TDRD3: variants seen among roughly 807,000 people sequenced by gnomAD.
The protein encoded by TDRD3 is tudor domain containing 3.
In TDRD3, 45 loss-of-function variants were observed where a neutral mutation model predicts 86.7. The observed-to-expected ratio is 0.52, with a 90% CI of 0.41 to 0.67. The LOEUF (loss-of-function observed/expected upper bound fraction) is 0.67, where lower values mean the gene tolerates loss of function less well. Among genes scored for constraint, TDRD3 ranks in the 30% least tolerant of loss-of-function variants. TDRD3 has a pLI of 0.00. For synonymous variants in TDRD3, 298 were observed against 301.7 expected (o/e 0.99, Z 0.13); for missense variants, 814 against 889.0 (o/e 0.92, Z 1.07).
rs1957522809 is a variant in TDRD3, at chr13:60,529,056, G to A, written c.1831G>A (p.Ala611Thr). The A allele has an allele frequency of 2.5e-6, 4 of 1,614,040 alleles. No individual in the cohort carries two copies. Among genetic ancestry groups the A allele is most frequent in the East Asian group, 4.5e-5 (2 of 44,856 alleles). ...TATTAAGCCAGCAGGACCTGTCACAGCTGTACCCTGTGATGATAAAATATT... is the reference window on the plus strand; with the variant it reads ...TATTAAGCCAGCAGGACCTGTCACAACTGTACCCTGTGATGATAAAATATT... The part of the protein sequence containing the change: ...GPIKPAGPVT[A>T]VPCDDKIFYN... The change falls in exon 11 of 14, where the codon GCT becomes ACT. Residue 611 changes from alanine (A) to threonine (T), a missense_variant. Coordinates refer to ENST00000377881, the MANE Select transcript of TDRD3 (RefSeq NM_001146070.2).
chr13:60,483,356 C>T (rs1330338222), intron 5 of TDRD3, among the ~76,000 whole-genome samples: 1 of 151,802 alleles, frequency 6.6e-6, no homozygotes, highest in African/African-American at 2.4e-5. Flanking sequence ...TAGAAATCAC[C>T]CTTATGTTAA....
intron 1 of TDRD3, among the ~76,000 whole-genome samples, chr13:60,424,719 G>T (rs1383190305): frequency 6.6e-6 from 1 of 152,042 alleles, no homozygotes; most frequent in Non-Finnish European, 1.5e-5. Flanking sequence ...GTAGCTTTTC[G>T]TATATTCACA....
intron 11 of TDRD3, among the ~76,000 whole-genome samples, chr13:60,530,607 ATTTTTTGTAT>A (rs1307834956): frequency 2.0e-5 from 3 of 149,232 alleles, no homozygotes; most frequent in African/African-American, 7.5e-5. Context: ...TGCCCAGCTA[ATTTTTTGTAT>A]TTTTTTTTTT....
chr13:60,553,622 A>C (rs1368066347), intron 12 of TDRD3, among the ~76,000 whole-genome samples: 1 of 152,124 alleles, frequency 6.6e-6, no homozygotes, highest in Non-Finnish European at 1.5e-5. Flanking sequence ...GGAAACTTAA[A>C]ATCATGGCAG....
At chr13:60,541,686 A>G (rs1316973806) in intron 12 of TDRD3, among the ~76,000 whole-genome samples, 2 of 133,254 alleles carry the variant, frequency 1.5e-5, no homozygotes, top group Non-Finnish European at 3.2e-5. Context: ...CCAATATTAT[A>G]TAATAGATGG....
chr13:60,517,904 A>G (rs1443038741), intron 10 of TDRD3, among the ~76,000 whole-genome samples: 1 of 152,204 alleles, frequency 6.6e-6, no homozygotes, highest in African/African-American at 2.4e-5. Context: ...TTGTTACTGC[A>G]TTTTACAAAA....
At chr13:60,549,722 T>C (rs1351008773) in intron 12 of TDRD3, among the ~76,000 whole-genome samples, 1 of 152,144 alleles carries the variant, frequency 6.6e-6, no homozygotes, top group Non-Finnish European at 1.5e-5. Flanking sequence ...GTTTAAACTT[T>C]TGTTTAATCT....
chr13:60,567,169 A>G (rs1448392127), intron 12 of TDRD3, among the ~76,000 whole-genome samples: 4 of 152,312 alleles, frequency 2.6e-5, no homozygotes, highest in East Asian at 1.9e-4. Flanking sequence ...TGTCATTATA[A>G]TGCTTGCTTT....
At chr13:60,525,328 C>T (rs1228171894) in intron 10 of TDRD3, among the ~76,000 whole-genome samples, 1 of 151,074 alleles carries the variant, frequency 6.6e-6, no homozygotes, top group African/African-American at 2.4e-5. Context: ...GCCGCGCCAC[C>T]AAGCCTGGCT....
intron 1 of TDRD3, among the ~76,000 whole-genome samples, chr13:60,413,795 T>C (rs532311849): frequency 4.6e-5 from 7 of 152,266 alleles, no homozygotes; most frequent in Admixed American, 2.6e-4. Flanking sequence ...TTATATCTTA[T>C]GGATTTTTAA....
chr13:60,410,201 G>C (rs1315050032), intron 1 of TDRD3, among the ~76,000 whole-genome samples: 2 of 152,076 alleles, frequency 1.3e-5, no homozygotes, highest in Non-Finnish European at 2.9e-5. Flanking sequence ...TCCTAGTCTT[G>C]GGTATGCCTT....
chr13:60,432,537 A>G (rs1338726842), intron 1 of TDRD3, among the ~76,000 whole-genome samples: 1 of 152,198 alleles, frequency 6.6e-6, no homozygotes. Context: ...GTAAGAGTCT[A>G]TAAGAATAAT....
At chr13:60,455,391 C>A (rs1186658066) in intron 3 of TDRD3, among the ~76,000 whole-genome samples, 1 of 152,114 alleles carries the variant, frequency 6.6e-6, no homozygotes, top group African/African-American at 2.4e-5. Context: ...TGAAACATTG[C>A]CCTGTTAAGG....
chr13:60,527,483 C>T (rs1025171884), intron 10 of TDRD3, among the ~76,000 whole-genome samples: 1 of 151,972 alleles, frequency 6.6e-6, no homozygotes, highest in African/African-American at 2.4e-5. Context: ...TGATGTATGA[C>T]AAAGGAAACA....
chr13:60,510,207 T>C (rs761097386), intron 9 of TDRD3, among the ~76,000 whole-genome samples: 5 of 152,178 alleles, frequency 3.3e-5, no homozygotes, highest in Non-Finnish European at 7.4e-5. Context: ...ATGTGACTGG[T>C]TCTATTATTT....
chr13:60,548,311 G>A (rs1957976821), intron 12 of TDRD3, among the ~76,000 whole-genome samples: 1 of 152,142 alleles, frequency 6.6e-6, no homozygotes, highest in Admixed American at 6.6e-5. Flanking sequence ...TTGCAGCTAA[G>A]GAAGAAAGAG....
At chr13:60,561,533 T>C (rs1373970988) in intron 12 of TDRD3, among the ~76,000 whole-genome samples, 1 of 152,166 alleles carries the variant, frequency 6.6e-6, no homozygotes. Flanking sequence ...GGCCCATATA[T>C]TTTATATAGG....
intron 5 of TDRD3, among the ~76,000 whole-genome samples, chr13:60,480,004 G>C (rs1186653016): frequency 6.6e-6 from 1 of 152,082 alleles, no homozygotes; most frequent in Non-Finnish European, 1.5e-5. Context: ...TACATTCAGG[G>C]TCAATATTGA....
chr13:60,479,347 G>A (rs963274970), intron 5 of TDRD3, among the ~76,000 whole-genome samples: 11 of 152,144 alleles, frequency 7.2e-5, no homozygotes, highest in African/African-American at 2.7e-4. Context: ...TTAATGCACT[G>A]TGGTCCAAAT....
Sources: gnomAD v4.1 joint callset for allele counts (sites outside exome capture counted in the v4.1 genomes callset) on GRCh38, gnomAD v4.1.1 for gene constraint, MANE v1.5 for transcripts, NCBI Gene and HGNC (gene_info 2026-07-23, HGNC 2026-07-21) for gene names.